Variants in KPNA7 observed in about 807,000 individuals in gnomAD.
KPNA7 encodes the protein karyopherin subunit alpha 7.
Under a neutral mutation model 53.7 loss-of-function variants are expected in KPNA7, and 54 were observed. That is an observed-to-expected ratio of 1.01 (90% CI 0.81 to 1.26). KPNA7 has a LOEUF of 1.26. KPNA7 is among the 50% of genes most tolerant of loss of function. The pLI is 0.00. For synonymous variants in KPNA7, 276 were observed against 259.3 expected (o/e 1.06, Z -0.62); for missense variants, 640 against 644.5 (o/e 0.99, Z 0.07).
At position 99,176,310 on chromosome 7, in the gene KPNA7, AAAGAAAGAAAG is replaced by A. The variant is rs750958211; in HGVS notation, c.1464+1599_1464+1609del. Among the ~76,000 whole-genome samples the A allele has an allele frequency of 1.4e-4, 11 of 80,806 alleles. 1 individual carries two copies. Among genetic ancestry groups the A allele is most frequent in the East Asian group, 4.3e-4 (1 of 2,318 alleles). The allele number at this position is 80,806 out of a possible 152,430, so 53.0% of individuals were successfully genotyped here. A position where few individuals can be genotyped will look rare whatever the true frequency, so the allele number is the denominator to read the frequency against. On this transcript the variant is annotated intron_variant, in intron 10 of 10. Transcript: ENST00000327442. ...GAGACTACGTCTCAAAAAAAAAAAA[AAAGAAAGAAAG>A]AAAGAAAGAAAAGAAAAATTTCTGA... is the stretch of plus-strand genomic sequence containing the variant.
upstream of KPNA7, among the ~76,000 whole-genome samples, chr7:99,209,109 G>A (rs140779570): frequency 1.1e-4 from 16 of 151,924 alleles, no homozygotes; most frequent in African/African-American, 2.7e-4. Flanking sequence ...CTGAGATTGC[G>A]CCACTGTACT....
chr7:99,185,539 G>T (rs923552796), intron 7 of KPNA7, among the ~76,000 whole-genome samples: 2 of 151,810 alleles, frequency 1.3e-5, no homozygotes, highest in African/African-American at 2.4e-5. Context: ...TAGAGACGGG[G>T]GTCTTGCTAT....
At chr7:99,179,537 CAG>C (rs1354710355) in intron 9 of KPNA7, among the ~76,000 whole-genome samples, 1 of 151,756 alleles carries the variant, frequency 6.6e-6, no homozygotes, top group Non-Finnish European at 1.5e-5. Context: ...GCCTGGGTGA[CAG>C]AGTGAGATCC....
Position 99,173,724 on chromosome 7 carries a change from C to T in KPNA7, c.1535G>A (p.Cys512Tyr). Reference sequence around the variant, plus strand: ...GGAGCTTGGCTATTTTTTTGCTAAGCATTCATAATCTATAAATTCATAATC... The same window carrying T: ...GGAGCTTGGCTATTTTTTTGCTAAGTATTCATAATCTATAAATTCATAATC... ...DQDYEFIDYE[C>Y]LAKK is the part of the protein sequence containing the mutation. Residue 512 changes from cysteine to tyrosine, a missense_variant, in exon 11 of 11, where the codon TGC becomes TAC. Cys to Tyr is a radical substitution (Grantham distance 194). Coordinates refer to ENST00000327442, the MANE Select transcript of KPNA7 (RefSeq NM_001145715.3). 1.3e-6 allele frequency: 2 copies of T among 1,550,518 alleles called. No homozygotes were observed. The highest frequency in any genetic ancestry group is 1.7e-6 in the Non-Finnish European group (2 of 1,146,126).
intron 9 of KPNA7, among the ~76,000 whole-genome samples, chr7:99,180,272 C>A (rs1171300223): frequency 6.6e-6 from 1 of 152,046 alleles, no homozygotes; most frequent in Non-Finnish European, 1.5e-5. Flanking sequence ...GAGGCTGAGG[C>A]GGGAGGATGA....
chr7:99,167,262 C>T, the KPNA7 span, among the ~76,000 whole-genome samples: 1 of 152,200 alleles, frequency 6.6e-6, no homozygotes, highest in Admixed American at 6.6e-5. Context: ...TCACCTCCTT[C>T]AGGGCCAGCC....
upstream of KPNA7, among the ~76,000 whole-genome samples, chr7:99,211,077 A>G (rs1368727503): frequency 6.6e-6 from 1 of 152,198 alleles, no homozygotes; most frequent in Non-Finnish European, 1.5e-5. Flanking sequence ...TAATTCAGAC[A>G]TATCAATTTG....
chr7:99,198,073 G>A (rs1463495586), intron 3 of KPNA7, among the ~76,000 whole-genome samples: 1 of 152,040 alleles, frequency 6.6e-6, no homozygotes, highest in Non-Finnish European at 1.5e-5. Flanking sequence ...ATTGAAACCA[G>A]CAAAAGAGAA....
At chr7:99,163,962 G>A in the KPNA7 span, among the ~76,000 whole-genome samples, 1 of 151,954 alleles carries the variant, frequency 6.6e-6, no homozygotes, top group African/African-American at 2.4e-5. Flanking sequence ...CAGTTAGAAT[G>A]GTGATCATTA....
chr7:99,218,262 C>T (rs1246699297), intron 1 of KPNA7, among the ~76,000 whole-genome samples: 12 of 152,282 alleles, frequency 7.9e-5, no homozygotes, highest in African/African-American at 2.6e-4. Flanking sequence ...GCTAGGACTA[C>T]AGGTGCACAC....
chr7:99,155,397 C>T, the KPNA7 span, among the ~76,000 whole-genome samples: 1 of 152,158 alleles, frequency 6.6e-6, no homozygotes, highest in Non-Finnish European at 1.5e-5. Flanking sequence ...GCTGACTTCC[C>T]TGTTTTGTCT....
In KPNA7 at chr7:99,188,332, C is replaced by T. The variant is rs747222694; in HGVS notation, c.868G>A (p.Val290Met). 6.4e-7 allele frequency: 1 copy of T among 1,551,602 alleles called. No homozygotes were observed. The highest frequency in any genetic ancestry group is 8.7e-7 in the Non-Finnish European group (1 of 1,146,976). Residue 290 changes from valine (V) to methionine (M), a missense_variant, in exon 7 of 11, where the codon GTG (valine) becomes ATG (methionine). Transcript: ENST00000327442. ...VNTGVLPRLV[V>M]LMTSSELNVL... ...TTGAGTTCTGAGCTGGTCATGAGCA[C>T]TACCAGCCTGGGCAGGACCCCCGTG...
At chr7:99,150,515 A>C in the KPNA7 span, among the ~76,000 whole-genome samples, 1 of 149,748 alleles carries the variant, frequency 6.7e-6, no homozygotes, top group East Asian at 2.0e-4. Flanking sequence ...CCTGGGTTCA[A>C]GCGATTCTCC....
intron 7 of KPNA7, 23 bp from the exon 8 acceptor site, chr7:99,185,185 C>CT (rs1563073212): frequency 6.7e-7 from 1 of 1,501,492 alleles, no homozygotes; most frequent in Admixed American, 2.0e-5. Context: ...GGCTAGAAGT[C>CT]TAAGTATTTC....
At chr7:99,164,484 G>A in the KPNA7 span, among the ~76,000 whole-genome samples, 1 of 152,030 alleles carries the variant, frequency 6.6e-6, no homozygotes, top group Non-Finnish European at 1.5e-5. Flanking sequence ...TCCGGGGACT[G>A]TTGTGGGGTA....
intron 5 of KPNA7, 86 bp downstream of exon 5, chr7:99,194,984 C>T (rs1205188024): frequency 2.8e-6 from 4 of 1,406,626 alleles, no homozygotes; most frequent in South Asian, 1.4e-5. Context: ...TCTGGGACAT[C>T]GAGTATACCC....
chr7:99,181,709 G>A (rs781551637), intron 9 of KPNA7, among the ~76,000 whole-genome samples, 174 bp downstream of exon 9: 2 of 152,066 alleles, frequency 1.3e-5, no homozygotes, highest in East Asian at 1.9e-4. Context: ...TACCTTTCCC[G>A]GCTAATTTGA....
chr7:99,210,065 TAAAA>T (rs71515266), upstream of KPNA7, among the ~76,000 whole-genome samples: 1 of 152,002 alleles, frequency 6.6e-6, no homozygotes, highest in South Asian at 2.1e-4. Flanking sequence ...CTCTCCTGCT[TAAAA>T]AAACTCTCCT....
intron 2 of KPNA7, among the ~76,000 whole-genome samples, chr7:99,204,925 G>T (rs1198613682): frequency 6.6e-6 from 1 of 152,114 alleles, no homozygotes; most frequent in African/African-American, 2.4e-5. Flanking sequence ...GAACACATTT[G>T]GGAATCATTG....
Sources: gnomAD v4.1 joint callset for allele counts (sites outside exome capture counted in the v4.1 genomes callset) on GRCh38, gnomAD v4.1.1 for gene constraint, MANE v1.5 for transcripts, NCBI Gene and HGNC (gene_info 2026-07-23, HGNC 2026-07-21) for gene names.